GGTA1: variants seen among roughly 807,000 people sequenced by gnomAD.
GGTA1 encodes inactive N-acetyllactosaminide alpha-1,3-galactosyltransferase.
A neutral mutation model predicts 2.6 loss-of-function variants in GGTA1; 5 were observed. The ratio of observed to expected loss-of-function variants is 1.92; its 90% CI spans 1.00 to 4.04. The LOEUF (loss-of-function observed/expected upper bound fraction) is 4.04, where lower values mean the gene tolerates loss of function less well. GGTA1 is among the 30% of genes most tolerant of loss of function. The pLI, the probability that GGTA1 is intolerant of heterozygous loss-of-function variation, is 0.00. For synonymous variants in GGTA1, 17 were observed against 5.0 expected (o/e 3.38, Z -3.19); for missense variants, 50 against 16.7 (o/e 2.99, Z -3.47).
chr9:121,460,702 G>A (rs945670551), intron 4 of GGTA1, among the ~76,000 whole-genome samples: 2 of 152,016 alleles, frequency 1.3e-5, no homozygotes, highest in African/African-American at 2.4e-5. Flanking sequence ...AAAATTAGCC[G>A]AGTGTGGTGG....
At chr9:121,483,747 T>C (rs543325038) in intron 1 of GGTA1, among the ~76,000 whole-genome samples, 5 of 152,236 alleles carry the variant, frequency 3.3e-5, no homozygotes, top group African/African-American at 7.2e-5. Flanking sequence ...GCAGACCAAA[T>C]GTAAAGAGCC....
downstream of GGTA1, among the ~76,000 whole-genome samples, chr9:121,454,406 C>T (rs1322777961): frequency 6.6e-6 from 1 of 152,220 alleles, no homozygotes; most frequent in African/African-American, 2.4e-5. Flanking sequence ...ATGATGCAAG[C>T]TAACACACAC....
At chr9:121,473,365 G>A (rs896480497) in intron 1 of GGTA1, among the ~76,000 whole-genome samples, 2 of 148,718 alleles carry the variant, frequency 1.3e-5, no homozygotes, top group Non-Finnish European at 3.0e-5. Context: ...CCGTCCGAAC[G>A]AGCCAATTTT....
rs1311513510 is a variant in GGTA1 at position 121,482,402 on chromosome 9, G to T, written c.-9-14471C>A. On this transcript the variant is annotated intron_variant, in intron 1 of 5. Transcript: ENST00000481799. ...GGATCACTTGAGACCAGGAGGCGGA[G>T]GTTGCAGGGAATCAATATTGCACCA... Among the ~76,000 whole-genome samples, 4 of 152,104 alleles carry T rather than the reference G, an allele frequency of 2.6e-5. No homozygotes were observed. In the East Asian group the frequency reaches 7.7e-4, roughly 29 times the overall value.
At chr9:121,480,010 A>G (rs922211130) in intron 1 of GGTA1, among the ~76,000 whole-genome samples, 11 of 152,034 alleles carry the variant, frequency 7.2e-5, no homozygotes, top group African/African-American at 2.7e-4. Flanking sequence ...TTGCAGCTGG[A>G]AGGGACCTAG....
intron 4 of GGTA1, 84 bp from the exon 5 acceptor site, chr9:121,460,303 G>A (rs994333774): frequency 2.2e-6 from 1 of 447,056 alleles, no homozygotes; most frequent in African/African-American, 2.0e-5. Flanking sequence ...TTGTGGAAAT[G>A]TGTTCCAAGG....
chr9:121,460,928 T>C (rs1051470715), intron 4 of GGTA1, among the ~76,000 whole-genome samples: 8 of 152,040 alleles, frequency 5.3e-5, no homozygotes, highest in African/African-American at 1.9e-4. Context: ...AAAAGACTTA[T>C]TTATCTGGAT....
At chr9:121,460,302 T>C (rs2064949694) in intron 4 of GGTA1, 83 bp from the exon 5 acceptor site, 5 of 447,852 alleles carry the variant, frequency 1.1e-5, no homozygotes, top group Non-Finnish European at 2.2e-5. Context: ...CTTGTGGAAA[T>C]GTGTTCCAAG....
chr9:121,481,471 G>C (rs1303973616), intron 1 of GGTA1, among the ~76,000 whole-genome samples: 1 of 152,074 alleles, frequency 6.6e-6, no homozygotes, highest in African/African-American at 2.4e-5. Flanking sequence ...TGGATCACCT[G>C]AAGTCAGCAG....
chr9:121,459,259 G>A lies in GGTA1; in HGVS notation c.298+845C>T, dbSNP rs557358172. ...ATCACTTAAGCCCAGGAGTTCAAGA[G>A]CAACCTGGACAACATAGTAAGACCC... On this transcript the variant is annotated intron_variant, in intron 5 of 5. Coordinates refer to ENST00000481799, the MANE Select transcript of GGTA1 (RefSeq NM_001382585.1). 2.0e-5 allele frequency among the ~76,000 whole-genome samples: 3 copies of A among 152,148 alleles called. No homozygotes were observed. The East Asian group carries it at 5.8e-4, about 30-fold the overall frequency.
chr9:121,480,039 C>CTTTT (rs1279113424), intron 1 of GGTA1, among the ~76,000 whole-genome samples: 1 of 131,852 alleles, frequency 7.6e-6, no homozygotes, highest in African/African-American at 2.7e-5. Context: ...GATTTTCTTT[C>CTTTT]TTTCTTTTTT....
exon 8 of GGTA1, chr9:121,446,460 GT>G (rs916504314): frequency 6.6e-6 from 1 of 152,246 alleles, no homozygotes; most frequent in Non-Finnish European, 1.5e-5. Context: ...GGCAAATGGT[GT>G]CTTTACTGAG....
At chr9:121,464,940 G>A (rs534776786) in intron 2 of GGTA1, among the ~76,000 whole-genome samples, 156 of 149,080 alleles carry the variant, frequency 1.0e-3, no homozygotes, top group Non-Finnish European at 1.7e-3. Flanking sequence ...TGTAAGGTTT[G>A]TGTCCTCGGC....
At chr9:121,463,237 G>A (rs2064975384) in intron 3 of GGTA1, 56 bp downstream of exon 3, 2 of 454,256 alleles carry the variant, frequency 4.4e-6, no homozygotes, top group South Asian at 3.1e-5. Flanking sequence ...ACTGTAGGGG[G>A]TGCCAGAGTG....
At chr9:121,465,924 C>A (rs1554836828) in intron 2 of GGTA1, among the ~76,000 whole-genome samples, 11 of 151,288 alleles carry the variant, frequency 7.3e-5, no homozygotes, top group Non-Finnish European at 1.6e-4. Flanking sequence ...CCTCCCCCAA[C>A]TTTTTTTTTG....
At chr9:121,496,076 T>C (rs1828986583) in intron 1 of GGTA1, among the ~76,000 whole-genome samples, 1 of 152,240 alleles carries the variant, frequency 6.6e-6, no homozygotes, top group African/African-American at 2.4e-5. Context: ...TGATTTTCCT[T>C]ACTTCTCTGT....
chr9:121,473,264 G>T (rs538524505), intron 1 of GGTA1, among the ~76,000 whole-genome samples: 43 of 141,698 alleles, frequency 3.0e-4, no homozygotes, highest in Admixed American at 1.4e-3. Flanking sequence ...AGGCTGCAGT[G>T]AGCAAAGATC....
intron 1 of GGTA1, among the ~76,000 whole-genome samples, chr9:121,496,491 G>A (rs1004107451): frequency 2.6e-5 from 4 of 152,000 alleles, no homozygotes; most frequent in African/African-American, 9.7e-5. Context: ...ATCATTTTGG[G>A]AGGCTGAGGT....
intron 1 of GGTA1, among the ~76,000 whole-genome samples, chr9:121,489,266 A>C (rs937513017): frequency 2.0e-5 from 3 of 152,120 alleles, no homozygotes; most frequent in African/African-American, 7.2e-5. Context: ...TGGCATGATC[A>C]CTGCTCACTG....
Sources: allele counts gnomAD v4.1 joint callset (sites outside exome capture counted in the v4.1 genomes callset), GRCh38; gene constraint gnomAD v4.1.1; transcripts MANE v1.5; gene names NCBI Gene and HGNC (gene_info 2026-07-23, HGNC 2026-07-21).